Variants in SHISA6 observed in about 807,000 individuals in gnomAD.
The protein encoded by SHISA6 is shisa family member 6, also known as protein shisa-6.
Under a neutral mutation model 47.9 loss-of-function variants are expected in SHISA6, and 22 were observed. The observed-to-expected ratio is 0.46, with a 90% CI of 0.33 to 0.66. The LOEUF (loss-of-function observed/expected upper bound fraction) is 0.66. Among genes scored for constraint, SHISA6 ranks in the 30% least tolerant of loss-of-function variants. The pLI, the probability that SHISA6 is intolerant of heterozygous loss-of-function variation, is 0.02. For missense variants in SHISA6, 680 were observed against 764.6 expected, an observed-to-expected ratio of 0.89 and a Z score of 1.30; for synonymous variants, 388 against 337.8, an observed-to-expected ratio of 1.15 and a Z score of -1.63.
At chr17:11,313,488 A>G (rs1910403248) in intron 2 of SHISA6, among the ~76,000 whole-genome samples, 1 of 152,250 alleles carries the variant, frequency 6.6e-6, no homozygotes, top group Non-Finnish European at 1.5e-5. Context: ...TTCTAGGGAC[A>G]TGATATCCAG....
At chr17:11,445,332 C>T (rs1292905545) in intron 3 of SHISA6, among the ~76,000 whole-genome samples, 1 of 152,080 alleles carries the variant, frequency 6.6e-6, no homozygotes, top group Non-Finnish European at 1.5e-5. Flanking sequence ...GAACTGGGGG[C>T]AAGAGAGCAC....
At chr17:11,476,530 A>G (rs1916055812) in intron 3 of SHISA6, among the ~76,000 whole-genome samples, 1 of 151,196 alleles carries the variant, frequency 6.6e-6, no homozygotes, top group Non-Finnish European at 1.5e-5. Flanking sequence ...GATTTGTTTG[A>G]CTCCTGTTAT....
At chr17:11,461,322 G>A (rs1915683043) in intron 3 of SHISA6, among the ~76,000 whole-genome samples, 1 of 151,116 alleles carries the variant, frequency 6.6e-6, no homozygotes, top group South Asian at 2.1e-4. Context: ...GTGTGAACCT[G>A]GGAGGCGAAG....
intron 2 of SHISA6, among the ~76,000 whole-genome samples, chr17:11,378,844 C>G (rs898689302): frequency 6.6e-6 from 1 of 152,162 alleles, no homozygotes; most frequent in South Asian, 2.1e-4. Flanking sequence ...TCTGAAGTCA[C>G]GAGCTGTAGT....
At chr17:11,391,774 A>T (rs1913393958) in intron 3 of SHISA6, among the ~76,000 whole-genome samples, 1 of 152,140 alleles carries the variant, frequency 6.6e-6, no homozygotes, top group Non-Finnish European at 1.5e-5. Flanking sequence ...TTATTGTCCG[A>T]CATTCTGGGA....
At chr17:11,367,539 A>C (rs907152997) in intron 2 of SHISA6, among the ~76,000 whole-genome samples, 1 of 152,232 alleles carries the variant, frequency 6.6e-6, no homozygotes, top group Non-Finnish European at 1.5e-5. Flanking sequence ...ACAATTCCCA[A>C]GAGGTGAGGG....
chr17:11,344,940 C>T (rs185509670), intron 2 of SHISA6, among the ~76,000 whole-genome samples: 6 of 152,186 alleles, frequency 3.9e-5, no homozygotes, highest in Non-Finnish European at 5.9e-5. Context: ...CCCCTCTTTC[C>T]GACCTTTCCT....
intron 2 of SHISA6, among the ~76,000 whole-genome samples, chr17:11,275,348 A>C (rs1908850385): frequency 6.6e-6 from 1 of 152,016 alleles, no homozygotes; most frequent in African/African-American, 2.4e-5. Flanking sequence ...CCCACAGAGG[A>C]GGAGATGTGA....
At chr17:11,290,678 T>C (rs556233483) in intron 2 of SHISA6, 1 of 152,086 alleles carries the variant, frequency 6.6e-6, no homozygotes, top group Admixed American at 6.6e-5. Context: ...TATATATTTA[T>C]TTTTGTTCTC....
chr17:11,402,454 C>T (rs1308068367), intron 3 of SHISA6, among the ~76,000 whole-genome samples: 3 of 152,170 alleles, frequency 2.0e-5, no homozygotes, highest in African/African-American at 7.2e-5. Flanking sequence ...CTTTGCTTTC[C>T]AGTCCCTTAC....
chr17:11,534,673 G>A (rs1597574168), intron 3 of SHISA6, among the ~76,000 whole-genome samples: 1 of 152,190 alleles, frequency 6.6e-6, no homozygotes, highest in Admixed American at 6.5e-5. Context: ...CATGGATAAG[G>A]TGTTGTTTTA....
intron 3 of SHISA6, among the ~76,000 whole-genome samples, chr17:11,425,442 G>T (rs1192065357): frequency 6.6e-6 from 1 of 152,110 alleles, no homozygotes; most frequent in Non-Finnish European, 1.5e-5. Context: ...AGGGTTGGCA[G>T]TAGTCATTCT....
chr17:11,522,667 T>C (rs941269393), intron 3 of SHISA6, among the ~76,000 whole-genome samples: 1 of 152,236 alleles, frequency 6.6e-6, no homozygotes, highest in Non-Finnish European at 1.5e-5. Flanking sequence ...AGGTTCTCTA[T>C]GTTGCCCAGG....
At chr17:11,243,627 G>A (rs1023826614) in intron 1 of SHISA6, among the ~76,000 whole-genome samples, 5 of 152,168 alleles carry the variant, frequency 3.3e-5, no homozygotes, top group African/African-American at 1.2e-4. Flanking sequence ...ATCTTGTCTG[G>A]CAAAGAATTT....
intron 3 of SHISA6, among the ~76,000 whole-genome samples, chr17:11,459,357 C>A (rs1306372230): frequency 6.6e-6 from 1 of 152,118 alleles, no homozygotes; most frequent in African/African-American, 2.4e-5. Context: ...TAATAATATG[C>A]CCCTGCTATA....
intron 2 of SHISA6, among the ~76,000 whole-genome samples, chr17:11,351,525 A>G (rs1372437446): frequency 1.2e-4 from 18 of 152,242 alleles, no homozygotes. Flanking sequence ...TGTGTTGCCT[A>G]CCCTGATCCT....
chr17:11,296,109 G>A (rs1284379234), intron 2 of SHISA6, among the ~76,000 whole-genome samples: 1 of 152,146 alleles, frequency 6.6e-6, no homozygotes, highest in Non-Finnish European at 1.5e-5. Context: ...GAAGAAGGGG[G>A]TGTGAGGGAA....
chr17:11,456,800 A>G (rs1338051000), intron 3 of SHISA6, among the ~76,000 whole-genome samples: 2 of 152,178 alleles, frequency 1.3e-5, no homozygotes, highest in Non-Finnish European at 2.9e-5. Context: ...AGAACCTGTC[A>G]AGCAAGAAAA....
intron 2 of SHISA6, among the ~76,000 whole-genome samples, chr17:11,327,092 G>A (rs902249656): frequency 1.3e-5 from 2 of 152,198 alleles, no homozygotes. Context: ...GATAGAGACT[G>A]ATGTCCAAAT....
Sources: allele counts gnomAD v4.1 joint callset (sites outside exome capture counted in the v4.1 genomes callset), GRCh38; gene constraint gnomAD v4.1.1; transcripts MANE v1.5; gene names NCBI Gene and HGNC (gene_info 2026-07-23, HGNC 2026-07-21).